The following ASIC2 variants were observed in gnomAD, a reference collection of about 807,000 sequenced individuals.
The protein encoded by ASIC2 is acid sensing ion channel subunit 2, also known as acid-sensing ion channel 2.
In ASIC2, 25 loss-of-function variants were observed where a neutral mutation model predicts 57.3. The observed-to-expected ratio is 0.44, with a 90% confidence interval of 0.32 to 0.61. ASIC2 has a LOEUF of 0.61. ASIC2 is among the 20% of genes least tolerant of loss of function. The probability of loss-of-function intolerance (pLI) is 0.06; values close to 1 mark genes in which losing one functional copy is unlikely to be tolerated. For synonymous variants in ASIC2, 319 were observed against 307.5 expected (o/e 1.04, Z -0.39); for missense variants, 641 against 738.1 (o/e 0.87, Z 1.52).
At chr17:33,329,898 G>A (rs1217524709) in intron 1 of ASIC2, among the ~76,000 whole-genome samples, 1 of 152,170 alleles carries the variant, frequency 6.6e-6, no homozygotes, top group African/African-American at 2.4e-5. Flanking sequence ...CTTCAGCAGT[G>A]AGAAGGAGGA....
chr17:33,270,830 A>G (rs1904464259), intron 1 of ASIC2, among the ~76,000 whole-genome samples: 1 of 152,230 alleles, frequency 6.6e-6, no homozygotes. Flanking sequence ...GAATACAAAC[A>G]GCTTCTGTTT....
At chr17:33,691,899 T>G (rs1268927874) in intron 1 of ASIC2, among the ~76,000 whole-genome samples, 1 of 152,104 alleles carries the variant, frequency 6.6e-6, no homozygotes, top group East Asian at 1.9e-4. Flanking sequence ...GAGAAACACA[T>G]CGTTGGGTGA....
chr17:34,146,650 G>A (rs1393028726), intron 1 of ASIC2: 1 of 152,172 alleles, frequency 6.6e-6, no homozygotes, highest in Non-Finnish European at 1.5e-5. Flanking sequence ...CCCAGGTGGT[G>A]GGGAGGTGAA....
chr17:33,879,741 C>T (rs2637335), intron 1 of ASIC2, among the ~76,000 whole-genome samples: 133,531 of 152,182 alleles, frequency 0.88, 58,769 homozygotes, highest in African/African-American at 0.95. Flanking sequence ...AATTCAGCTC[C>T]GCACCAAGCG....
chr17:33,799,894 C>A (rs1168573788), intron 1 of ASIC2, among the ~76,000 whole-genome samples: 1 of 152,090 alleles, frequency 6.6e-6, no homozygotes, highest in East Asian at 1.9e-4. Flanking sequence ...TATCTGGGTC[C>A]CCACAAATAC....
intron 1 of ASIC2, among the ~76,000 whole-genome samples, chr17:34,147,288 G>A (rs900074294): frequency 6.6e-6 from 1 of 152,162 alleles, no homozygotes; most frequent in African/African-American, 2.4e-5. Flanking sequence ...CAAAGGTTGT[G>A]CAACTAAATC....
At chr17:33,772,015 G>A (rs1382913099) in intron 1 of ASIC2, among the ~76,000 whole-genome samples, 1 of 152,040 alleles carries the variant, frequency 6.6e-6, no homozygotes, top group Non-Finnish European at 1.5e-5. Context: ...CTTTTCTCTG[G>A]TTTTCTCCTG....
intron 6 of ASIC2, among the ~76,000 whole-genome samples, chr17:33,023,598 T>C (rs1426887913): frequency 6.6e-6 from 1 of 152,152 alleles, no homozygotes; most frequent in African/African-American, 2.4e-5. Context: ...CCCCCTATGA[T>C]AGCCAAAGTC....
intron 1 of ASIC2, among the ~76,000 whole-genome samples, chr17:33,117,284 T>A (rs2092285036): frequency 6.6e-6 from 1 of 152,120 alleles, no homozygotes; most frequent in Non-Finnish European, 1.5e-5. Context: ...GCGATTCTCT[T>A]GCCTGAGCCT....
intron 1 of ASIC2, among the ~76,000 whole-genome samples, chr17:33,496,618 T>G (rs1457900754): frequency 7.3e-6 from 1 of 137,910 alleles, no homozygotes; most frequent in Non-Finnish European, 1.6e-5. Flanking sequence ...TTTTTTTTTT[T>G]TTTTTTTTTT....
In ASIC2 at chr17:33,384,870, C is replaced by T. The variant is rs974472858; in HGVS notation, c.556-272803G>A. On this transcript the variant is annotated intron_variant, in intron 1 of 9. Coordinates refer to the ASIC2 transcript ENST00000359872. ...GTTTACATTTCATATCCATGGGTCT[C>T]ATATGCCCAATGCCATCATAAATAC... 5.3e-5 allele frequency among the ~76,000 whole-genome samples: 8 copies of T among 152,316 alleles called. No individual in the cohort carries two copies. In the East Asian group the frequency reaches 1.2e-3, roughly 22 times the overall value.
intron 1 of ASIC2, among the ~76,000 whole-genome samples, chr17:33,981,785 A>G (rs1268085172): frequency 6.6e-6 from 1 of 152,232 alleles, no homozygotes; most frequent in East Asian, 1.9e-4. Context: ...TTTAATCCTC[A>G]CAATTTTATG....
At chr17:33,814,122 T>C (rs1205679012) in intron 1 of ASIC2, among the ~76,000 whole-genome samples, 1 of 151,814 alleles carries the variant, frequency 6.6e-6, no homozygotes, top group Non-Finnish European at 1.5e-5. Flanking sequence ...AGTAGTGGGA[T>C]GGTAGCTTCA....
At chr17:33,543,398 T>C (rs1406034841) in intron 1 of ASIC2, among the ~76,000 whole-genome samples, 2 of 152,312 alleles carry the variant, frequency 1.3e-5, no homozygotes, top group Middle Eastern at 3.4e-3. Flanking sequence ...TTTCACCCAG[T>C]ACTCTCTCCC....
chr17:33,749,997 C>A (rs1285441574), intron 1 of ASIC2, among the ~76,000 whole-genome samples: 2 of 152,170 alleles, frequency 1.3e-5, no homozygotes, highest in Admixed American at 1.3e-4. Flanking sequence ...GCTGTGGGGA[C>A]CAGCCTCCCT....
At chr17:34,150,471 A>G (rs1260482888) in intron 1 of ASIC2, among the ~76,000 whole-genome samples, 1 of 152,230 alleles carries the variant, frequency 6.6e-6, no homozygotes, top group Non-Finnish European at 1.5e-5. Context: ...CCACTCCACA[A>G]TGTATACATA....
intron 1 of ASIC2, among the ~76,000 whole-genome samples, chr17:34,064,147 C>A (rs1332748830): frequency 6.6e-6 from 1 of 152,086 alleles, no homozygotes. Context: ...CCATAGTCAC[C>A]AAAATAGCAT....
intron 1 of ASIC2, among the ~76,000 whole-genome samples, chr17:33,759,578 A>T (rs1424516824): frequency 1.3e-5 from 2 of 152,150 alleles, no homozygotes; most frequent in Non-Finnish European, 2.9e-5. Flanking sequence ...CATTTCAGAG[A>T]TCTTTGAGGC....
chr17:33,088,873 T>C lies in ASIC2; in HGVS notation c.977A>G (p.Gln326Arg). The change falls in exon 3 of 10, where the codon CAG (glutamine) becomes CGG (arginine). Residue 326 changes from glutamine (Q) to arginine (R), a missense_variant. Around this residue, in one of 3 missense-constraint regions of ASIC2, gnomAD observed 252 missense variants for 319.8 expected, o/e 0.79. Coordinates refer to ENST00000225823, the MANE Select transcript of ASIC2 (RefSeq NM_183377.2). ...APGFQTFVATQEQRLTYLPPP... is the reference protein window; with the variant it reads ...APGFQTFVATREQRLTYLPPP... ...GCCCAGGGAACTTACCCTCTGCTCC[T>C]GTGTGGCCACAAAGGTCTGGAACCC... 3.1e-6 allele frequency: 5 copies of C among 1,612,942 alleles called. No homozygotes were observed. The highest frequency in any genetic ancestry group is 1.3e-5 in the African/African-American group (1 of 75,032).
Sources: gnomAD v4.1 joint callset for allele counts (sites outside exome capture counted in the v4.1 genomes callset) on GRCh38, gnomAD v4.1.1 for gene constraint, gnomAD v4.1.1 regional missense constraint, MANE v1.5 for transcripts, NCBI Gene and HGNC (gene_info 2026-07-23, HGNC 2026-07-21) for gene names.